The following GPAT3 variants were observed in gnomAD, a reference collection of about 807,000 sequenced individuals.
GPAT3 encodes the protein glycerol-3-phosphate acyltransferase 3, also known as 1-AGP acyltransferase 9.
In GPAT3, 53 loss-of-function variants were observed where a neutral mutation model predicts 58.8. The observed-to-expected ratio is 0.90, with a 90% CI of 0.72 to 1.13. The LOEUF (loss-of-function observed/expected upper bound fraction) is 1.13, where lower values mean the gene tolerates loss of function less well. GPAT3 is among the 50% of genes most tolerant of loss of function. The pLI is 0.00. For synonymous variants in GPAT3, 197 were observed against 187.4 expected (o/e 1.05, Z -0.42); for missense variants, 511 against 527.6 (o/e 0.97, Z 0.31).
At chr4:83,563,052 A>G (rs1168939182) in intron 2 of GPAT3, among the ~76,000 whole-genome samples, 1 of 152,206 alleles carries the variant, frequency 6.6e-6, no homozygotes, top group Non-Finnish European at 1.5e-5. Flanking sequence ...TTTATGTAAG[A>G]TTTGGAATGA....
chr4:83,579,038 CT>C (rs1725968077), intron 2 of GPAT3, among the ~76,000 whole-genome samples: 3 of 23,474 alleles, frequency 1.3e-4, no homozygotes, highest in African/African-American at 6.2e-4. Flanking sequence ...TTCTTTCTTT[CT>C]TTCTTTCTTT....
At chr4:83,560,066 T>C (rs544046471) in intron 2 of GPAT3, among the ~76,000 whole-genome samples, 37 of 152,324 alleles carry the variant, frequency 2.4e-4, no homozygotes, top group Non-Finnish European at 3.2e-4. Context: ...AGCTCCACTG[T>C]GGACCCCCTT....
At chr4:83,588,387 G>A (rs1339793452) in intron 5 of GPAT3, 88 bp downstream of exon 5, 6 of 1,287,432 alleles carry the variant, frequency 4.7e-6, no homozygotes, top group African/African-American at 1.5e-5. Context: ...TTGGGAAGAA[G>A]TGGGTGGAGT....
intron 1 of GPAT3, among the ~76,000 whole-genome samples, chr4:83,540,443 T>G (rs542440373): frequency 1.3e-5 from 2 of 152,176 alleles, no homozygotes; most frequent in Non-Finnish European, 2.9e-5. Context: ...GAAAGAGATA[T>G]TCTGTCTTTG....
intron 2 of GPAT3, among the ~76,000 whole-genome samples, chr4:83,570,016 C>G (rs1725543275): frequency 6.6e-6 from 1 of 152,174 alleles, no homozygotes; most frequent in African/African-American, 2.4e-5. Flanking sequence ...AGCTGCTACT[C>G]AGGGCTTTCT....
At chr4:83,595,163 G>T in intron 7 of GPAT3, 1 of 443,056 alleles carries the variant, frequency 2.3e-6, no homozygotes, top group South Asian at 3.3e-5. Flanking sequence ...ATATATGATG[G>T]GATTGGAAGG....
chr4:83,557,003 C>A (rs1222971050), intron 2 of GPAT3, among the ~76,000 whole-genome samples: 1 of 152,092 alleles, frequency 6.6e-6, no homozygotes, highest in East Asian at 1.9e-4. Flanking sequence ...AGTGAGGGAT[C>A]TTTTTAGGAC....
At chr4:83,575,077 C>A (rs1037771083) in intron 2 of GPAT3, among the ~76,000 whole-genome samples, 2 of 151,782 alleles carry the variant, frequency 1.3e-5, no homozygotes, top group Non-Finnish European at 2.9e-5. Flanking sequence ...GGGGTTTCAC[C>A]GTGTTAGCCA....
chr4:83,554,212 C>T lies in GPAT3; in HGVS notation c.208+9610C>T, dbSNP rs950484588. ...CTCATTATGTTGTCCAGCCATGTCT[C>T]GAACTCTTGGGCTCAAGTGATGCTC... is the stretch of plus-strand genomic sequence containing the variant. On this transcript the variant is annotated intron_variant, in intron 2 of 11. Coordinates refer to ENST00000264409, the MANE Select transcript of GPAT3 (RefSeq NM_032717.5). Among the ~76,000 whole-genome samples the T allele has an allele frequency of 8.5e-5, 13 of 152,074 alleles. No homozygotes were observed. In the South Asian group the frequency reaches 1.5e-3, roughly 17 times the overall value.
chr4:83,598,990 T>G (rs1321049011), intron 11 of GPAT3, among the ~76,000 whole-genome samples: 1 of 151,980 alleles, frequency 6.6e-6, no homozygotes, highest in South Asian at 2.1e-4. Context: ...GGTGTCCTTG[T>G]GTTGCTGAGG....
At chr4:83,584,445 T>G (rs910820330) in intron 3 of GPAT3, among the ~76,000 whole-genome samples, 9 of 152,236 alleles carry the variant, frequency 5.9e-5, no homozygotes, top group Non-Finnish European at 1.3e-4. Context: ...CCAGATTGTA[T>G]TAAGATACAA....
Position 83,597,024 on chromosome 4 carries a change from T to C in GPAT3, c.910+111T>C. 4.5e-6 allele frequency: 4 copies of C among 896,822 alleles called. No individual in the cohort carries two copies. In the East Asian group the frequency reaches 7.7e-5, roughly 17 times the overall value. 55.6% of individuals were successfully genotyped at this position (896,822 alleles called of 1,614,324 possible). A position where few individuals can be genotyped will look rare whatever the true frequency, so the allele number is the denominator to read the frequency against. On this transcript the variant is annotated intron_variant, in intron 8 of 11. Transcript: ENST00000264409. ...CAACCTTAGCCCAGATCTCTGCCCT[T>C]AGAGGAATGGGATGGCACTCTCTGA...
At chr4:83,574,649 T>TAGAA (rs1414513992) in intron 2 of GPAT3, among the ~76,000 whole-genome samples, 5 of 76,902 alleles carry the variant, frequency 6.5e-5, no homozygotes, top group Non-Finnish European at 1.3e-4. Context: ...TTTTTTTTTT[T>TAGAA]TTTTTTTTTT....
intron 1 of GPAT3, among the ~76,000 whole-genome samples, chr4:83,538,045 A>T (rs1459461863): frequency 6.6e-6 from 1 of 152,160 alleles, no homozygotes; most frequent in African/African-American, 2.4e-5. Context: ...GAATAATATG[A>T]TTACTGAGAT....
chr4:83,577,847 A>G (rs1725876382), intron 2 of GPAT3, among the ~76,000 whole-genome samples: 1 of 117,616 alleles, frequency 8.5e-6, no homozygotes, highest in East Asian at 2.9e-4. Context: ...CCCAGGCTGG[A>G]GTAGTGTAGT....
intron 2 of GPAT3, among the ~76,000 whole-genome samples, chr4:83,552,756 C>A (rs191185872): frequency 2.0e-5 from 3 of 152,078 alleles, no homozygotes; most frequent in African/African-American, 7.2e-5. Flanking sequence ...TGTCTATGTC[C>A]CCCCCTTCCC....
chr4:83,577,013 A>C (rs1277932002), intron 2 of GPAT3, among the ~76,000 whole-genome samples: 4 of 152,208 alleles, frequency 2.6e-5, no homozygotes, highest in African/African-American at 9.7e-5. Context: ...CAAGTGATCA[A>C]AGCCACACAT....
rs542206980 is a variant in GPAT3, at chr4:83,553,764, C to T, written c.208+9162C>T. On this transcript the variant is annotated intron_variant, in intron 2 of 11. Coordinates refer to ENST00000264409, the MANE Select transcript of GPAT3 (RefSeq NM_032717.5). Reference sequence around the variant, plus strand: ...AACTACAAAAAATAGTCAGACATGGCGACTCAGGAGTCTGAGGTGGGAAGA... The same window carrying T: ...AACTACAAAAAATAGTCAGACATGGTGACTCAGGAGTCTGAGGTGGGAAGA... 2.6e-5 allele frequency among the ~76,000 whole-genome samples: 4 copies of T among 151,704 alleles called. No individual in the cohort carries two copies. In the South Asian group the frequency reaches 8.3e-4, roughly 32 times the overall value.
At chr4:83,597,698 A>G (rs183545002) in intron 9 of GPAT3, among the ~76,000 whole-genome samples, 183 bp downstream of exon 9, 19 of 152,278 alleles carry the variant, frequency 1.2e-4, no homozygotes, top group Admixed American at 1.2e-3. Context: ...ATGTAGATAG[A>G]TGTATACTGG....
Sources: gnomAD v4.1 joint callset for allele counts (sites outside exome capture counted in the v4.1 genomes callset) on GRCh38, gnomAD v4.1.1 for gene constraint, MANE v1.5 for transcripts, NCBI Gene and HGNC (gene_info 2026-07-23, HGNC 2026-07-21) for gene names.